The following RPH3A variants were observed in gnomAD, a reference collection of about 807,000 sequenced individuals.
RPH3A encodes the protein rabphilin-3A.
Under a neutral mutation model 102.2 loss-of-function variants are expected in RPH3A, and 48 were observed. That is an observed-to-expected ratio of 0.47 (90% CI 0.37 to 0.60). The LOEUF (loss-of-function observed/expected upper bound fraction) is 0.60, where lower values mean the gene tolerates loss of function less well. RPH3A is among the 20% of genes least tolerant of loss of function. RPH3A has a pLI of 0.00. For synonymous variants in RPH3A, 310 were observed against 324.3 expected (o/e 0.96, Z 0.47); for missense variants, 781 against 910.1 (o/e 0.86, Z 1.83).
chr12:112,683,882 G>A (rs2040244381), intron 1 of RPH3A, among the ~76,000 whole-genome samples: 1 of 152,126 alleles, frequency 6.6e-6, no homozygotes, highest in South Asian at 2.1e-4. Context: ...GACATTGACA[G>A]TGTCTTCTAT....
At chr12:112,811,686 C>T (rs545090025) in intron 2 of RPH3A, among the ~76,000 whole-genome samples, 2 of 152,212 alleles carry the variant, frequency 1.3e-5, no homozygotes, top group South Asian at 2.1e-4. Context: ...GAAAGGGTCA[C>T]GGGTATTGAT....
chr12:112,839,180 G>A (rs2042103113), intron 4 of RPH3A, among the ~76,000 whole-genome samples: 1 of 152,168 alleles, frequency 6.6e-6, no homozygotes, highest in Non-Finnish European at 1.5e-5. Context: ...GCAGATAAGA[G>A]TGGAGCTGGA....
chr12:112,868,718 C>A, intron 8 of RPH3A, 123 bp downstream of exon 8: 1 of 1,088,854 alleles, frequency 9.2e-7, no homozygotes, highest in Non-Finnish European at 1.3e-6. Context: ...AGCTTCTGCA[C>A]TTGGGTCTAG....
chr12:112,738,744 C>T (rs1208769447), intron 1 of RPH3A, among the ~76,000 whole-genome samples: 1 of 152,206 alleles, frequency 6.6e-6, no homozygotes, highest in Non-Finnish European at 1.5e-5. Flanking sequence ...CACAGCAGAG[C>T]AGTTCAGCCA....
chr12:112,643,530 A>G (rs1427361601), intron 1 of RPH3A, among the ~76,000 whole-genome samples: 1 of 152,256 alleles, frequency 6.6e-6, no homozygotes, highest in East Asian at 1.9e-4. Flanking sequence ...TGGAGAAATA[A>G]AGAGAAGACA....
chr12:112,719,452 A>T (rs2040537064), intron 1 of RPH3A, among the ~76,000 whole-genome samples: 1 of 152,196 alleles, frequency 6.6e-6, no homozygotes, highest in Non-Finnish European at 1.5e-5. Context: ...TCATTACTTG[A>T]AGGCTGTTCC....
At chr12:112,631,394 C>T (rs1016097701) in intron 1 of RPH3A, among the ~76,000 whole-genome samples, 1 of 152,160 alleles carries the variant, frequency 6.6e-6, no homozygotes, top group African/African-American at 2.4e-5. Context: ...CTCTTTGGAA[C>T]TAGCTGCAAC....
chr12:112,844,029 G>A (rs1375187284), intron 4 of RPH3A, among the ~76,000 whole-genome samples: 1 of 152,126 alleles, frequency 6.6e-6, no homozygotes. Context: ...AAGAGAGTGA[G>A]GCCTCCATCA....
intron 1 of RPH3A, among the ~76,000 whole-genome samples, chr12:112,713,947 C>A (rs941592979): frequency 2.0e-5 from 3 of 152,128 alleles, no homozygotes; most frequent in Non-Finnish European, 4.4e-5. Flanking sequence ...TATTAGGCGA[C>A]CATGGCCAAG....
intron 1 of RPH3A, among the ~76,000 whole-genome samples, chr12:112,632,158 T>C (rs779778052): frequency 6.6e-5 from 10 of 152,168 alleles, no homozygotes; most frequent in Non-Finnish European, 1.3e-4. Flanking sequence ...CTGCCATCCA[T>C]GTAAGACGTG....
At chr12:112,755,775 A>C (rs2040819302) in intron 1 of RPH3A, among the ~76,000 whole-genome samples, 1 of 152,146 alleles carries the variant, frequency 6.6e-6, no homozygotes, top group African/African-American at 2.4e-5. Flanking sequence ...CTATCAGCAG[A>C]GCCCCAACTA....
intron 1 of RPH3A, among the ~76,000 whole-genome samples, chr12:112,602,514 T>A (rs1314979424): frequency 1.3e-5 from 2 of 152,214 alleles, no homozygotes; most frequent in African/African-American, 4.8e-5. Flanking sequence ...TTCTCATCAC[T>A]GCAGAAAGGA....
chr12:112,648,376 G>A (rs1418530606), intron 1 of RPH3A, among the ~76,000 whole-genome samples: 1 of 151,398 alleles, frequency 6.6e-6, no homozygotes, highest in East Asian at 1.9e-4. Flanking sequence ...TACACACTGT[G>A]CAAAATGTTT....
chr12:112,673,553 C>T (rs931254263), intron 1 of RPH3A, among the ~76,000 whole-genome samples: 22 of 150,522 alleles, frequency 1.5e-4, no homozygotes, highest in African/African-American at 4.9e-4. Flanking sequence ...AAAAAAAATC[C>T]GTGGGTACAT....
intron 1 of RPH3A, among the ~76,000 whole-genome samples, chr12:112,679,261 C>A (rs574908042): frequency 6.6e-6 from 1 of 152,170 alleles, no homozygotes; most frequent in East Asian, 1.9e-4. Context: ...TCAAGTGATT[C>A]TTCTGCCTCA....
At chr12:112,730,133 C>G (rs1164935323) in intron 1 of RPH3A, among the ~76,000 whole-genome samples, 1 of 152,248 alleles carries the variant, frequency 6.6e-6, no homozygotes, top group Non-Finnish European at 1.5e-5. Context: ...AGATCCTTCC[C>G]TTACAGCTCT....
rs1476119459 is a variant in RPH3A, at chr12:112,745,602, G to C, written c.-139-46541G>C. On this transcript the variant is annotated intron_variant, in intron 1 of 21. Transcript: ENST00000543106. Reference sequence around the variant, plus strand: ...ATTTCCCTCTGGTTGTTTTTGCCAGGTGAGCTATTGCTTCCTCATTTGTTC... The same window carrying C: ...ATTTCCCTCTGGTTGTTTTTGCCAGCTGAGCTATTGCTTCCTCATTTGTTC... Among the ~76,000 whole-genome samples, 5 of 152,280 alleles carry C rather than the reference G, an allele frequency of 3.3e-5. No individual in the cohort carries two copies. In the East Asian group the frequency reaches 5.8e-4, roughly 18 times the overall value.
At chr12:112,597,384 A>G (rs2039524968) in intron 1 of RPH3A, among the ~76,000 whole-genome samples, 1 of 152,068 alleles carries the variant, frequency 6.6e-6, no homozygotes, top group Admixed American at 6.6e-5. Context: ...GGAGTTTAAG[A>G]CCAGCCCGGG....
At chr12:112,870,310 C>CAAA (rs377457634) in intron 10 of RPH3A, among the ~76,000 whole-genome samples, 76 of 105,564 alleles carry the variant, frequency 7.2e-4, no homozygotes, top group African/African-American at 1.7e-3. Flanking sequence ...CTCCCCGCCT[C>CAAA]AAAAAAAAAA....
Sources: allele counts gnomAD v4.1 joint callset (sites outside exome capture counted in the v4.1 genomes callset), GRCh38; gene constraint gnomAD v4.1.1; transcripts MANE v1.5; gene names NCBI Gene and HGNC (gene_info 2026-07-23, HGNC 2026-07-21).